Variants in TBC1D19 observed in about 807,000 individuals in gnomAD.
TBC1D19 encodes the protein TBC1 domain family, member 19.
Under a neutral mutation model 89.0 loss-of-function variants are expected in TBC1D19, and 60 were observed. The ratio of observed to expected loss-of-function variants is 0.67; its 90% CI spans 0.55 to 0.84. The LOEUF (loss-of-function observed/expected upper bound fraction) is 0.84. Ranked by LOEUF, TBC1D19 falls within the 40% of genes least tolerant of loss-of-function variation. TBC1D19 has a pLI of 0.00. For missense variants in TBC1D19, 500 were observed against 610.8 expected, an observed-to-expected ratio of 0.82 and a Z score of 1.91; for synonymous variants, 189 against 199.7, an observed-to-expected ratio of 0.95 and a Z score of 0.45.
At chr4:26,826,193 C>T in the TBC1D19 span, among the ~76,000 whole-genome samples, 1 of 152,100 alleles carries the variant, frequency 6.6e-6, no homozygotes, top group African/African-American at 2.4e-5. Context: ...CAGAAAGAGA[C>T]CTTGTCTCAA....
chr4:26,791,008 T>G, the TBC1D19 span, among the ~76,000 whole-genome samples: 2 of 152,144 alleles, frequency 1.3e-5, no homozygotes, highest in Non-Finnish European at 2.9e-5. Context: ...TCCAAGGTCA[T>G]CTTTAGCTCT....
intron 1 of TBC1D19, among the ~76,000 whole-genome samples, chr4:26,589,119 A>T (rs544031703): frequency 1.3e-5 from 2 of 152,262 alleles, no homozygotes; most frequent in East Asian, 3.9e-4. Context: ...TACTAAAAAT[A>T]CAAAAATTAG....
rs12498255 is a variant in TBC1D19 at position 26,624,149 on chromosome 4, C to T, written c.294+3461C>T. ...CAAGTGAATCATTTTGCCTTTCCCT[C>T]TTGCATCATTAACACTTGTTTTCCT... is the stretch of plus-strand genomic sequence containing the variant. On this transcript the variant is annotated intron_variant, in intron 4 of 20. Transcript: ENST00000264866. 5.9e-3 allele frequency among the ~76,000 whole-genome samples: 892 copies of T among 152,242 alleles called. 5 individuals carry two copies. Among genetic ancestry groups the T allele is most frequent in the Non-Finnish European group, 8.4e-3 (573 of 68,012 alleles).
At chr4:26,611,285 C>T in intron 1 of TBC1D19, among the ~76,000 whole-genome samples, 1 of 151,988 alleles carries the variant, frequency 6.6e-6, no homozygotes. Context: ...TTAGTCCTGC[C>T]TATTTTTAAA....
the TBC1D19 span, among the ~76,000 whole-genome samples, chr4:26,773,448 G>C: frequency 6.6e-6 from 1 of 152,178 alleles, no homozygotes; most frequent in Non-Finnish European, 1.5e-5. Flanking sequence ...TTATTTTGCT[G>C]TGCAGAAGGC....
intron 13 of TBC1D19, among the ~76,000 whole-genome samples, chr4:26,698,077 T>C (rs1297801060): frequency 1.3e-5 from 2 of 152,190 alleles, no homozygotes; most frequent in African/African-American, 4.8e-5. Context: ...AAATTGCCCC[T>C]GTTTGCAGAT....
At chr4:26,587,010 G>A (rs1351276465) in intron 1 of TBC1D19, among the ~76,000 whole-genome samples, 3 of 152,156 alleles carry the variant, frequency 2.0e-5, no homozygotes, top group Admixed American at 2.0e-4. Context: ...TTTGCAGGTT[G>A]AGGAAGCTCT....
the TBC1D19 span, among the ~76,000 whole-genome samples, chr4:26,785,981 A>G: frequency 1.3e-5 from 2 of 152,182 alleles, no homozygotes; most frequent in South Asian, 4.1e-4. Context: ...ACTGAACACT[A>G]CATTTCCTGT....
the TBC1D19 span, among the ~76,000 whole-genome samples, chr4:26,774,986 T>G: frequency 1.3e-5 from 2 of 152,210 alleles, no homozygotes; most frequent in Non-Finnish European, 2.9e-5. Context: ...GTTTTTTTAT[T>G]AGGAACTAAG....
At chr4:26,790,869 T>C in the TBC1D19 span, among the ~76,000 whole-genome samples, 1 of 152,208 alleles carries the variant, frequency 6.6e-6, no homozygotes, top group Non-Finnish European at 1.5e-5. Context: ...ATTTTCACTT[T>C]TCTATTCAAA....
intron 16 of TBC1D19, among the ~76,000 whole-genome samples, chr4:26,737,235 C>G (rs1274784805): frequency 6.6e-6 from 1 of 152,068 alleles, no homozygotes; most frequent in African/African-American, 2.4e-5. Context: ...GCTTTATTCT[C>G]TTGGGCAACC....
chr4:26,682,908 C>G (rs980196099), intron 11 of TBC1D19, among the ~76,000 whole-genome samples: 15 of 151,876 alleles, frequency 9.9e-5, no homozygotes, highest in African/African-American at 3.6e-4. Flanking sequence ...TGCAGTTAAT[C>G]AGATTTTATA....
intron 13 of TBC1D19, among the ~76,000 whole-genome samples, chr4:26,696,863 G>T (rs1481898582): frequency 1.3e-5 from 2 of 152,200 alleles, no homozygotes; most frequent in Non-Finnish European, 2.9e-5. Flanking sequence ...AAAGCAGTGT[G>T]TAGAGGGAAA....
intron 13 of TBC1D19, among the ~76,000 whole-genome samples, chr4:26,712,443 T>A (rs187504632): frequency 1.3e-5 from 2 of 152,182 alleles, no homozygotes; most frequent in Admixed American, 1.3e-4. Flanking sequence ...CATCATCACA[T>A]CTCTTTCTGA....
At chr4:26,758,998 T>C (rs1719366418), downstream of TBC1D19, among the ~76,000 whole-genome samples, 1 of 152,226 alleles carries the variant, frequency 6.6e-6, no homozygotes, top group African/African-American at 2.4e-5. Flanking sequence ...ATTTTGCCTT[T>C]GGCCCTTTGC....
intron 18 of TBC1D19, among the ~76,000 whole-genome samples, chr4:26,745,314 T>A (rs1202370419): frequency 6.6e-6 from 1 of 151,892 alleles, no homozygotes; most frequent in African/African-American, 2.4e-5. Context: ...ATTGATATTA[T>A]TGAATTGGAA....
chr4:26,817,314 G>A, the TBC1D19 span, among the ~76,000 whole-genome samples: 1 of 152,032 alleles, frequency 6.6e-6, no homozygotes, highest in South Asian at 2.1e-4. Flanking sequence ...GGCAGCAACA[G>A]CTCATACTTT....
the TBC1D19 span, among the ~76,000 whole-genome samples, chr4:26,818,464 C>G: frequency 6.6e-6 from 1 of 152,090 alleles, no homozygotes; most frequent in African/African-American, 2.4e-5. Flanking sequence ...CCATGTTGCC[C>G]AAGCTGGTCT....
chr4:26,804,577 A>G, the TBC1D19 span, among the ~76,000 whole-genome samples: 1 of 152,236 alleles, frequency 6.6e-6, no homozygotes, highest in African/African-American at 2.4e-5. Flanking sequence ...TGAAAAGGTC[A>G]AAGAGCCCAG....
Sources: allele counts gnomAD v4.1 joint callset (sites outside exome capture counted in the v4.1 genomes callset), GRCh38; gene constraint gnomAD v4.1.1; transcripts MANE v1.5; gene names NCBI Gene and HGNC (gene_info 2026-07-23, HGNC 2026-07-21).